Variants in MYO1D observed in about 807,000 individuals in gnomAD.
MYO1D encodes unconventional myosin-Id.
Under a neutral mutation model 122.0 loss-of-function variants are expected in MYO1D, and 83 were observed. The ratio of observed to expected loss-of-function variants is 0.68; its 90% CI spans 0.57 to 0.82. The LOEUF is 0.82. Among genes scored for constraint, MYO1D ranks in the 40% least tolerant of loss-of-function variants. The probability of loss-of-function intolerance (pLI) is 0.00; values close to 1 mark genes in which losing one functional copy is unlikely to be tolerated. For synonymous variants in MYO1D, 464 were observed against 446.9 expected (o/e 1.04, Z -0.48); for missense variants, 1,157 against 1,269.5 (o/e 0.91, Z 1.35).
chr17:32,514,000 T>C (rs1909794999), intron 21 of MYO1D, among the ~76,000 whole-genome samples: 1 of 151,806 alleles, frequency 6.6e-6, no homozygotes, highest in Admixed American at 6.6e-5. Context: ...TCCCAGCACT[T>C]TGGGAGGTTG....
chr17:32,833,752 C>A (rs1398391670), intron 1 of MYO1D, among the ~76,000 whole-genome samples: 1 of 152,160 alleles, frequency 6.6e-6, no homozygotes, highest in African/African-American at 2.4e-5. Context: ...ACTAGGCAAG[C>A]TCCCATCAAC....
chr17:32,697,379 G>C (rs1432220224), intron 16 of MYO1D, among the ~76,000 whole-genome samples: 1 of 152,072 alleles, frequency 6.6e-6, no homozygotes, highest in Non-Finnish European at 1.5e-5. Flanking sequence ...TTCAATCAAA[G>C]GTACGCTTTT....
chr17:32,700,334 G>A (rs1195783647), intron 16 of MYO1D, among the ~76,000 whole-genome samples: 1 of 152,214 alleles, frequency 6.6e-6, no homozygotes, highest in Non-Finnish European at 1.5e-5. Context: ...CTGCTCCTAT[G>A]AGAATCCAAT....
intron 21 of MYO1D, among the ~76,000 whole-genome samples, chr17:32,574,398 T>C (rs567717273): frequency 8.5e-4 from 129 of 152,282 alleles, no homozygotes; most frequent in Non-Finnish European, 1.4e-3. Context: ...TGAATTATAG[T>C]ATGTTGAGTA....
At chr17:32,703,206 G>C (rs1394378127) in intron 16 of MYO1D, among the ~76,000 whole-genome samples, 3 of 152,120 alleles carry the variant, frequency 2.0e-5, no homozygotes, top group Non-Finnish European at 4.4e-5. Context: ...GAGCAATTAA[G>C]ATCTCTGTCT....
At chr17:32,826,028 G>A (rs1323255324) in intron 1 of MYO1D, among the ~76,000 whole-genome samples, 1 of 137,200 alleles carries the variant, frequency 7.3e-6, no homozygotes, top group Non-Finnish European at 1.5e-5. Context: ...CAGCCCGGGT[G>A]ATAGAGTGAA....
chr17:32,823,952 G>A (rs956647875), intron 1 of MYO1D, among the ~76,000 whole-genome samples: 9 of 151,116 alleles, frequency 6.0e-5, no homozygotes, highest in Admixed American at 1.3e-4. Flanking sequence ...CTGTAGTCCC[G>A]GCTACTCAGG....
At chr17:32,796,750 G>A (rs1187852899) in intron 1 of MYO1D, among the ~76,000 whole-genome samples, 1 of 152,036 alleles carries the variant, frequency 6.6e-6, no homozygotes, top group Non-Finnish European at 1.5e-5. Flanking sequence ...TCCCACAGAT[G>A]GCTGAGGACT....
intron 1 of MYO1D, among the ~76,000 whole-genome samples, chr17:32,824,195 T>C (rs2090701637): frequency 6.6e-6 from 1 of 152,024 alleles, no homozygotes; most frequent in Non-Finnish European, 1.5e-5. Flanking sequence ...ACTCTCAGAA[T>C]GATCACAAAG....
At chr17:32,830,027 A>G (rs1311398214) in intron 1 of MYO1D, among the ~76,000 whole-genome samples, 1 of 152,246 alleles carries the variant, frequency 6.6e-6, no homozygotes, top group Non-Finnish European at 1.5e-5. Flanking sequence ...AAAAGGCATG[A>G]GACAGTCTTC....
chr17:32,605,070 CA>C lies in MYO1D; in HGVS notation c.2864+16del. ...ATAGATTTAAAACGTGTCTTAGTTA[CA>C]AAAATCAAACTTTACCTCTTGAAAT... On this transcript the variant is annotated intron_variant, in intron 21 of 21. Coordinates refer to ENST00000318217, the MANE Select transcript of MYO1D (RefSeq NM_015194.3). The C allele has an allele frequency of 6.4e-7, 1 of 1,560,134 alleles. No individual in the cohort carries two copies.
chr17:32,557,655 C>T (rs375209992), intron 21 of MYO1D, among the ~76,000 whole-genome samples: 5 of 151,882 alleles, frequency 3.3e-5, no homozygotes, highest in South Asian at 4.2e-4. Context: ...TACAGGAGCA[C>T]GCCACCATGC....
intron 1 of MYO1D, 122 bp from the exon 2 acceptor site, chr17:32,780,906 GT>G: frequency 1.1e-6 from 1 of 949,482 alleles, no homozygotes; most frequent in Non-Finnish European, 1.6e-6. Flanking sequence ...CTGAACTGAC[GT>G]TTCATTGGCT....
chr17:32,630,579 C>CA, intron 20 of MYO1D, among the ~76,000 whole-genome samples: 1 of 145,662 alleles, frequency 6.9e-6, no homozygotes, highest in East Asian at 2.0e-4. Context: ...GTTGTTCCTC[C>CA]TTTTTTTTTT....
At chr17:32,689,414 G>A (rs2150972801) in intron 16 of MYO1D, among the ~76,000 whole-genome samples, 1 of 152,254 alleles carries the variant, frequency 6.6e-6, no homozygotes, top group African/African-American at 2.4e-5. Flanking sequence ...GCTCATTATA[G>A]TACTAAGTTT....
chr17:32,679,140 A>T (rs1403694651), intron 16 of MYO1D, among the ~76,000 whole-genome samples: 14 of 152,016 alleles, frequency 9.2e-5, no homozygotes, highest in South Asian at 4.2e-4. Context: ...TTTGAGTTCA[A>T]TGTAGATTCT....
At chr17:32,671,228 G>T (rs1367866134) in intron 16 of MYO1D, among the ~76,000 whole-genome samples, 1 of 152,220 alleles carries the variant, frequency 6.6e-6, no homozygotes, top group African/African-American at 2.4e-5. Context: ...AATATGCCTG[G>T]TTTGGTCATG....
intron 16 of MYO1D, among the ~76,000 whole-genome samples, chr17:32,681,457 G>T (rs2088915916): frequency 6.9e-6 from 1 of 145,882 alleles, no homozygotes; most frequent in South Asian, 2.3e-4. Flanking sequence ...TTGTGTCTTT[G>T]TTCTCGTTGG....
In MYO1D at chr17:32,869,765, C is replaced by T. The variant is rs187485894; in HGVS notation, c.95+7013G>A. Among the ~76,000 whole-genome samples the T allele has an allele frequency of 1.1e-4, 17 of 151,660 alleles. No homozygotes were observed. The East Asian group carries it at 3.3e-3, about 29-fold the overall frequency. On this transcript the variant is annotated intron_variant, in intron 1 of 21. Coordinates refer to ENST00000318217, the MANE Select transcript of MYO1D (RefSeq NM_015194.3). ...GTATCTCTTTAATGTAAAAGTAGTT[C>T]CCAAATAAAAAAAAAAAATTAGCCA...
Sources: allele counts gnomAD v4.1 joint callset (sites outside exome capture counted in the v4.1 genomes callset), GRCh38; gene constraint gnomAD v4.1.1; transcripts MANE v1.5; gene names NCBI Gene and HGNC (gene_info 2026-07-23, HGNC 2026-07-21).